CPT1B: variants seen among roughly 807,000 people sequenced by gnomAD.
CPT1B encodes carnitine palmitoyltransferase 1B, also known as carnitine O-palmitoyltransferase 1, muscle isoform.
Under a neutral mutation model 92.7 loss-of-function variants are expected in CPT1B, and 57 were observed. The ratio of observed to expected loss-of-function variants is 0.62; its 90% CI spans 0.50 to 0.77. The LOEUF is 0.77. Ranked by LOEUF, CPT1B falls within the 30% of genes least tolerant of loss-of-function variation. The pLI is 0.00. For missense variants in CPT1B, 983 were observed against 1,017.4 expected, an observed-to-expected ratio of 0.97 and a Z score of 0.46; for synonymous variants, 398 against 383.5, an observed-to-expected ratio of 1.04 and a Z score of -0.44.
chr22:50,576,167 G>A (rs760702999), intron 6 of CPT1B, 31 bp downstream of exon 6: 2 of 1,613,988 alleles, frequency 1.2e-6, no homozygotes, highest in Non-Finnish European at 1.7e-6. Context: ...ACACATGGCA[G>A]GTGACAGTGA....
In CPT1B at chr22:50,572,928, C is replaced by T. The variant is rs1211236154; in HGVS notation, c.1299G>A (p.Glu433=). ...EESYSYDPED[E]ASLSLYGKAL... is the part of the protein sequence containing the mutation. ...CCTTGCCATAGAGGCTGAGGCTGGC[C>T]TCATCTTCGGGGTCATAGGAGTAGG... Residue 433 remains glutamate, a synonymous_variant, in exon 11 of 20, where the codon GAG becomes GAA. Transcript: ENST00000312108. The T allele has an allele frequency of 6.2e-7, 1 of 1,613,598 alleles. No homozygotes were observed. Among genetic ancestry groups the T allele is most frequent in the African/African-American group, 1.3e-5 (1 of 75,050 alleles).
rs183361425 is a variant in CPT1B at position 50,577,741 on chromosome 22, C to T, written c.141+34G>A. 5.4e-5 allele frequency: 86 copies of T among 1,603,602 alleles called. No individual in the cohort carries two copies. The African/African-American group carries it at 8.8e-4, about 16-fold the overall frequency. On this transcript the variant is annotated intron_variant, in intron 2 of 19. Coordinates refer to ENST00000312108, the MANE Select transcript of CPT1B (RefSeq NM_152246.3). The stretch of plus-strand genomic sequence containing the variant: ...GCGCTTAACAGCTGACAGCCGGCCT[C>T]TGCCTACGCTCTGGGAGAAGCACCT...
chr22:50,576,221 T>C lies in CPT1B; in HGVS notation c.676A>G (p.Lys226Glu), dbSNP rs780850388. ...ACATAGTTACTTGCCCACCATGACT[T>C]GAGCACCAGGTATTTCTGCAGCCTG... ...APRLQKYLVL[K>E]SWWASNYVSD... Residue 226 changes from lysine to glutamate, a missense_variant, in exon 6 of 20, where the codon AAG (lysine) becomes GAG (glutamate). By Grantham distance (56) the Lys-to-Glu change is moderately conservative. Coordinates refer to ENST00000312108, the MANE Select transcript of CPT1B (RefSeq NM_152246.3). 6.2e-7 allele frequency: 1 copy of C among 1,613,960 alleles called. No homozygotes were observed. Among genetic ancestry groups the C allele is most frequent in the Non-Finnish European group, 8.5e-7 (1 of 1,180,028 alleles).
At chr22:50,572,446 G>T in intron 11 of CPT1B, 138 bp from the exon 12 acceptor site, 1 of 635,224 alleles carries the variant, frequency 1.6e-6, no homozygotes, top group Admixed American at 2.7e-5. Flanking sequence ...AAATTGAGAT[G>T]GAATCTTGCT....
Position 50,571,548 on chromosome 22 carries a change from A to T in CPT1B, c.1576-9T>A. ...TCGATGACCGCCTGGCACTGCCAAG[A>T]CATGGGAAGGGTCAGCTGAGGGTAG... On this transcript the variant is annotated splice_polypyrimidine_tract_variant and intron_variant, in intron 13 of 19. Transcript: ENST00000312108. The T allele has an allele frequency of 6.2e-7, 1 of 1,610,528 alleles. No homozygotes were observed. Among genetic ancestry groups the T allele is most frequent in the South Asian group, 1.1e-5 (1 of 91,064 alleles).
chr22:50,570,458 C>T, intron 16 of CPT1B, 52 bp from the exon 17 acceptor site: 1 of 1,406,998 alleles, frequency 7.1e-7, no homozygotes, highest in South Asian at 1.3e-5. Context: ...AGCACCTGTC[C>T]AACACGTGGT....
intron 2 of CPT1B, 133 bp from the exon 3 acceptor site, chr22:50,577,596 C>T (rs949593530): frequency 3.1e-5 from 44 of 1,413,804 alleles, no homozygotes; most frequent in Non-Finnish European, 3.4e-5. Flanking sequence ...CTCCTTCCTC[C>T]GCCACACCCA....
In CPT1B at chr22:50,570,352, G is replaced by A. The variant is rs754399632; in HGVS notation, c.2083C>T (p.Arg695Cys). The A allele has an allele frequency of 5.0e-6, 8 of 1,608,582 alleles. No homozygotes were observed. Among genetic ancestry groups the A allele is most frequent in the Middle Eastern group, 1.7e-4 (1 of 6,030 alleles). ...GGGTGCTGCTCTGGGTCGAACATGC[G>A]GATCTGGGATTGGGGGATCTGGCTG... ...STSQIPQSQI[R>C]MFDPEQHPNH... Residue 695 changes from arginine to cysteine, a missense_variant, in exon 17 of 20, where the codon CGC becomes TGC. Coordinates refer to ENST00000312108, the MANE Select transcript of CPT1B (RefSeq NM_152246.3).
Position 50,572,990 on chromosome 22 carries a change from C to G in CPT1B, c.1237G>C (p.Glu413Gln). The change falls in exon 11 of 20, where the codon GAG (glutamate) becomes CAG (glutamine). Residue 413 changes from glutamate to glutamine, a missense_variant. By Grantham distance (29) the Glu-to-Gln change is conservative (BLOSUM62 2). Transcript: ENST00000312108. ...GKNKAALEAI[E>Q]RAAFFVALDE... is the part of the protein sequence containing the mutation. The stretch of plus-strand genomic sequence containing the variant: ...AGGGCCACGAAGAAAGCGGCACGCT[C>G]GATGGCCTCCAAGGCAGCCTTATTC... 1.2e-6 allele frequency: 2 copies of G among 1,613,618 alleles called. No homozygotes were observed. Among genetic ancestry groups the G allele is most frequent in the Non-Finnish European group, 1.7e-6 (2 of 1,179,818 alleles).
Position 50,576,117 on chromosome 22 carries a change from G to A in CPT1B, c.700-5C>T. The A allele has an allele frequency of 1.2e-6, 2 of 1,614,064 alleles. No homozygotes were observed. Among genetic ancestry groups the A allele is most frequent in the South Asian group, 2.2e-5 (2 of 91,078 alleles). Reference sequence around the variant, plus strand: ...CTCTTCCCACCAGTCACTCACCTGTGGGGAGGTGGAAGGTTAGAGCTGGGG... The same window carrying A: ...CTCTTCCCACCAGTCACTCACCTGTAGGGAGGTGGAAGGTTAGAGCTGGGG... On this transcript the variant is annotated splice_polypyrimidine_tract_variant and splice_region_variant and intron_variant, in intron 6 of 19. Coordinates refer to ENST00000312108, the MANE Select transcript of CPT1B (RefSeq NM_152246.3).
rs1161272280 is a variant in CPT1B, at chr22:50,572,993, T to C, written c.1234A>G (p.Ile412Val). Residue 412 changes from isoleucine to valine, a missense_variant, in exon 11 of 20, where the codon ATC (isoleucine) becomes GTC (valine). Transcript: ENST00000312108. ...GCCACGAAGAAAGCGGCACGCTCGA[T>C]GGCCTCCAAGGCAGCCTTATTCTTT... The part of the protein sequence containing the change: ...SGKNKAALEA[I>V]ERAAFFVALD... 5 of 1,613,666 alleles carry C rather than the reference T, an allele frequency of 3.1e-6. No individual in the cohort carries two copies. The Admixed American group carries it at 6.7e-5, about 22-fold the overall frequency.
chr22:50,574,028 T>C (rs1417782955), intron 9 of CPT1B: 6 of 688,046 alleles, frequency 8.7e-6, no homozygotes, highest in East Asian at 8.4e-5. Flanking sequence ...GCCAGACCCC[T>C]GGGTGCGCCC....
rs763177781 is a variant in CPT1B, at chr22:50,577,342, T to G, written c.263A>C (p.Gln88Pro). ...DISLGLVSCI[Q>P]RCLPQGCGPY... The stretch of plus-strand genomic sequence containing the variant: ...TCCTTACCCCTGAGGGAGGCATCTC[T>G]GGATGCAACTGACCAGCCCCAAGGA... Residue 88 changes from glutamine to proline, a missense_variant, in exon 3 of 20, where the codon CAG (glutamine) becomes CCG (proline). Physicochemically the swap from Gln to Pro is moderately conservative, Grantham distance 76 (BLOSUM62 -1). Transcript: ENST00000312108. 1 of 1,613,842 alleles carries G rather than the reference T, an allele frequency of 6.2e-7. No homozygotes were observed. The highest frequency in any genetic ancestry group is 2.2e-5 in the East Asian group (1 of 44,880).
chr22:50,577,965 C>T (rs1237196718), intron 1 of CPT1B, 31 bp from the exon 2 acceptor site: 1 of 1,539,080 alleles, frequency 6.5e-7, no homozygotes, highest in Non-Finnish European at 8.8e-7. Flanking sequence ...TGCGCGGGCG[C>T]GCTTAGGCCG....
At chr22:50,574,138 G>GGGGCTCTGCTCT (rs1173529021) in intron 9 of CPT1B, among the ~76,000 whole-genome samples, 197 bp downstream of exon 9, 1 of 152,234 alleles carries the variant, frequency 6.6e-6, no homozygotes, top group Non-Finnish European at 1.5e-5. Context: ...CCGGAGGGGA[G>GGGGCTCTGCTCT]GGGCTCTGCT....
rs1410605313 is a variant in CPT1B, at chr22:50,571,445, C to G, written c.1670G>C (p.Gly557Ala). 1 of 1,613,720 alleles carries G rather than the reference C, an allele frequency of 6.2e-7. No homozygotes were observed. Among genetic ancestry groups the G allele is most frequent in the African/African-American group, 1.3e-5 (1 of 74,916 alleles). ...GCTGGTCCGGCACTTCTTGATGAGGCCTTTGCCAAAGGGCAGGAACTGGAA... is the reference window on the plus strand; with the variant it reads ...GCTGGTCCGGCACTTCTTGATGAGGGCTTTGCCAAAGGGCAGGAACTGGAA... ...YCFQFLPFGK[G>A]LIKKCRTSPD... is the part of the protein sequence containing the mutation. The change falls in exon 14 of 20, where the codon GGC (glycine) becomes GCC (alanine). Residue 557 changes from glycine to alanine, a missense_variant. By Grantham distance (60) the Gly-to-Ala change is moderately conservative. Coordinates refer to ENST00000312108, the MANE Select transcript of CPT1B (RefSeq NM_152246.3).
At chr22:50,571,861 G>C (rs557145155) in intron 13 of CPT1B, 145 bp downstream of exon 13, 3 of 814,930 alleles carry the variant, frequency 3.7e-6, no homozygotes, top group African/African-American at 3.4e-5. Context: ...GGACTCTACA[G>C]GTATCCTGAG....
intron 3 of CPT1B, 43 bp downstream of exon 3, chr22:50,577,281 C>T (rs914887976): frequency 1.2e-6 from 2 of 1,608,684 alleles, no homozygotes; most frequent in Admixed American, 3.3e-5. Flanking sequence ...CTGGGCCCAG[C>T]CCTCCCTGGT....
At chr22:50,577,663 A>G in intron 2 of CPT1B, 112 bp downstream of exon 2, 2 of 1,498,384 alleles carry the variant, frequency 1.3e-6, no homozygotes, top group South Asian at 2.5e-5. Flanking sequence ...TACTTCCACA[A>G]CCTGTACCGG....
Sources: gnomAD v4.1 joint callset for allele counts (sites outside exome capture counted in the v4.1 genomes callset) on GRCh38, gnomAD v4.1.1 for gene constraint, MANE v1.5 for transcripts, NCBI Gene and HGNC (gene_info 2026-07-23, HGNC 2026-07-21) for gene names.